DIO2: variants seen among roughly 807,000 people sequenced by gnomAD.
DIO2 encodes the protein iodothyronine deiodinase 2.
In DIO2, 19 loss-of-function variants were observed where a neutral mutation model predicts 21.4. The ratio of observed to expected loss-of-function variants is 0.89; its 90% CI spans 0.62 to 1.30. The LOEUF (loss-of-function observed/expected upper bound fraction) is 1.30. Ranked by LOEUF, DIO2 falls within the 50% of genes most tolerant of loss-of-function variation. The pLI is 0.00. For synonymous variants in DIO2, 122 were observed against 132.9 expected, an observed-to-expected ratio of 0.92 and a Z score of 0.57; for missense variants, 302 against 338.1, an observed-to-expected ratio of 0.89 and a Z score of 0.84.
Position 80,202,554 on chromosome 14 carries a change from A to C in DIO2, c.*135T>G. On this transcript the variant is annotated 3_prime_UTR_variant, in exon 2 of 2. Coordinates refer to ENST00000438257, the MANE Select transcript of DIO2 (RefSeq NM_013989.5). ...TGAAAGAAGTATGGAGCTGTTAGAG[A>C]TTCATGTTCTTCCGATAGATAAACT... 1 of 923,808 alleles carries C rather than the reference A, an allele frequency of 1.1e-6. No individual in the cohort carries two copies. The highest frequency in any genetic ancestry group is 2.6e-5 in the East Asian group (1 of 38,212). 57.2% of individuals were successfully genotyped at this position (923,808 alleles called of 1,614,324 possible).
At chr14:80,221,904 T>C (rs186779754) in intron 2 of DIO2, among the ~76,000 whole-genome samples, 275 of 152,320 alleles carry the variant, frequency 1.8e-3, no homozygotes, top group African/African-American at 6.5e-3. Context: ...TCATCAGTGA[T>C]CTGTCATCTT....
chr14:80,208,097 G>A (rs1888019922), intron 1 of DIO2, among the ~76,000 whole-genome samples: 1 of 152,228 alleles, frequency 6.6e-6, no homozygotes, highest in African/African-American at 2.4e-5. Context: ...ATTTAGGTAA[G>A]AGCCAGGCTC....
rs766634398 is a variant in DIO2, at chr14:80,202,894, G to A, written c.617C>T (p.Pro206Leu). 1.2e-6 allele frequency: 2 copies of A among 1,613,934 alleles called. No homozygotes were observed. Among genetic ancestry groups the A allele is most frequent in the East Asian group, 2.2e-5 (1 of 44,866 alleles). The change falls in exon 2 of 2, where the codon CCC (proline) becomes CTC (leucine). Residue 206 changes from proline to leucine, a missense_variant. By Grantham distance (98) the Pro-to-Leu change is moderately conservative. Transcript: ENST00000438257. ...QQLLERFSLP[P>L]QCRVVADRMD... The stretch of plus-strand genomic sequence containing the variant: ...GCGGTCAGCCACAACTCGGCACTGG[G>A]GCGGCAAGGAGAAACGCTCCAGAAG...
At chr14:80,207,937 A>G (rs1325826190) in intron 1 of DIO2, among the ~76,000 whole-genome samples, 3 of 152,174 alleles carry the variant, frequency 2.0e-5, no homozygotes, top group Non-Finnish European at 4.4e-5. Context: ...CTTGAGGTGA[A>G]TGAAGAGGAG....
At chr14:80,214,002 C>T (rs1345442338), upstream of DIO2, among the ~76,000 whole-genome samples, 1 of 152,108 alleles carries the variant, frequency 6.6e-6, no homozygotes, top group Non-Finnish European at 1.5e-5. Context: ...CTAATATATG[C>T]AATGTACATT....
intron 1 of DIO2, among the ~76,000 whole-genome samples, chr14:80,204,284 G>T (rs898870957): frequency 1.3e-5 from 2 of 152,018 alleles, no homozygotes; most frequent in Non-Finnish European, 2.9e-5. Flanking sequence ...CATTTTCCAT[G>T]TGTGCTTGTT....
At chr14:80,217,455 A>AT (rs564848503) in intron 2 of DIO2, among the ~76,000 whole-genome samples, 74 of 152,246 alleles carry the variant, frequency 4.9e-4, no homozygotes, top group African/African-American at 1.6e-3. Flanking sequence ...TTGAAGACTA[A>AT]TTTTTTTGTC....
intron 2 of DIO2, among the ~76,000 whole-genome samples, chr14:80,223,897 C>T (rs912222618): frequency 6.6e-6 from 1 of 152,184 alleles, no homozygotes; most frequent in Non-Finnish European, 1.5e-5. Context: ...TTGTGACCAA[C>T]CTTGATTAAA....
intron 1 of DIO2, chr14:80,205,767 T>G: frequency 1.6e-6 from 2 of 1,247,112 alleles, no homozygotes; most frequent in Non-Finnish European, 2.1e-6. Context: ...AGTTACCAAA[T>G]TCGTAATGCT....
intron 2 of DIO2, among the ~76,000 whole-genome samples, chr14:80,219,697 G>A (rs1479224359): frequency 1.3e-5 from 2 of 152,026 alleles, no homozygotes; most frequent in East Asian, 1.9e-4. Context: ...GCTATAATAC[G>A]TGCTATAATA....
upstream of DIO2, among the ~76,000 whole-genome samples, chr14:80,214,044 T>A (rs1888290857): frequency 6.6e-6 from 1 of 152,184 alleles, no homozygotes; most frequent in South Asian, 2.1e-4. Flanking sequence ...CTACTCAATG[T>A]CCTTATGGGA....
intron 2 of DIO2, among the ~76,000 whole-genome samples, chr14:80,223,009 A>C (rs189064366): frequency 6.6e-4 from 100 of 152,112 alleles, no homozygotes; most frequent in Non-Finnish European, 1.2e-4. Context: ...TTACTGAAGC[A>C]TACCACCATG....
intron 1 of DIO2, among the ~76,000 whole-genome samples, chr14:80,204,458 A>G (rs903011120): frequency 2.0e-5 from 3 of 152,218 alleles, no homozygotes; most frequent in Non-Finnish European, 4.4e-5. Context: ...AACAGAATGA[A>G]GGAAAGTTTG....
chr14:80,228,800 A>T (rs775132890), intron 2 of DIO2, among the ~76,000 whole-genome samples: 1 of 152,180 alleles, frequency 6.6e-6, no homozygotes. Context: ...TCGATTAATT[A>T]TCTGACCTCT....
rs1243473704 is a variant in DIO2 at position 80,203,254 on chromosome 14, A to G, written c.257T>C (p.Val86Ala). 1 of 1,602,188 alleles carries G rather than the reference A, an allele frequency of 6.2e-7. No homozygotes were observed. ...TCCTTCTGTACTGGAGACATGCACC[A>G]CACTGGAATTGGGGGCATCCTCACC... ...KLGEDAPNSS[V>A]VHVSSTEGGD... is the part of the protein sequence containing the mutation. The change falls in exon 2 of 2, where the codon GTG (valine) becomes GCG (alanine). Residue 86 changes from valine (V) to alanine (A), a missense_variant. Physicochemically the swap from Val to Ala is moderately conservative, Grantham distance 64. Coordinates refer to ENST00000438257, the MANE Select transcript of DIO2 (RefSeq NM_013989.5).
At chr14:80,209,782 T>C (rs796813364) in intron 1 of DIO2, among the ~76,000 whole-genome samples, 4 of 152,352 alleles carry the variant, frequency 2.6e-5, no homozygotes, top group African/African-American at 7.2e-5. Context: ...AAACCCTCTT[T>C]GGGTTACTAT....
rs748161148 is a variant in DIO2 at position 80,202,978 on chromosome 14, A to G, written c.533T>C (p.Leu178Ser). ...DGWAIPGDSS[L>S]SFEVKKHQNQ... ...CTGGTGCTTCTTCACCTCAAAAGAC[A>G]AAGAGGAGTCCCCCGGTATCGCCCA... Residue 178 changes from leucine to serine, a missense_variant, in exon 2 of 2, where the codon TTG (leucine) becomes TCG (serine). Physicochemically the swap from Leu to Ser is moderately radical, Grantham distance 145. Transcript: ENST00000438257. 2.5e-6 allele frequency: 4 copies of G among 1,613,992 alleles called. No homozygotes were observed. Among genetic ancestry groups the G allele is most frequent in the Non-Finnish European group, 3.4e-6 (4 of 1,179,888 alleles).
chr14:80,227,513 C>A (rs1888600385), intron 2 of DIO2, among the ~76,000 whole-genome samples: 1 of 152,174 alleles, frequency 6.6e-6, no homozygotes, highest in Non-Finnish European at 1.5e-5. Flanking sequence ...CAGTTTCCAC[C>A]AAGGCCCAGG....
At chr14:80,215,922 GAGA>G (rs1257035315), upstream of DIO2, 2 of 152,270 alleles carry the variant, frequency 1.3e-5, no homozygotes, top group Admixed American at 1.3e-4. Context: ...GTGATGAAAG[GAGA>G]AGCTCAATGG....
Sources: allele counts gnomAD v4.1 joint callset (sites outside exome capture counted in the v4.1 genomes callset), GRCh38; gene constraint gnomAD v4.1.1; transcripts MANE v1.5; gene names NCBI Gene and HGNC (gene_info 2026-07-23, HGNC 2026-07-21).